ZNF133: variants seen among roughly 807,000 people sequenced by gnomAD.
ZNF133 encodes the protein zinc finger protein 133.
In ZNF133, 26 loss-of-function variants were observed where a neutral mutation model predicts 54.9. That is an observed-to-expected ratio of 0.47 (90% CI 0.35 to 0.66). The LOEUF (loss-of-function observed/expected upper bound fraction) is 0.66. Among genes scored for constraint, ZNF133 ranks in the 30% least tolerant of loss-of-function variants. The probability of loss-of-function intolerance (pLI) is 0.01; values close to 1 mark genes in which losing one functional copy is unlikely to be tolerated. For synonymous variants in ZNF133, 298 were observed against 320.3 expected, an observed-to-expected ratio of 0.93 and a Z score of 0.74; for missense variants, 653 against 820.8, an observed-to-expected ratio of 0.80 and a Z score of 2.50.
rs192475453 is a variant in ZNF133 at position 18,292,176 on chromosome 20, T to C, written c.-432+3572T>C. ...GGACGATCATAGCCTTTCAGTGATC[T>C]CTTTGTTTCTGCCTATGTCCCGCTA... On this transcript the variant is annotated intron_variant, in intron 1 of 6. Transcript: ENST00000425686. Among the ~76,000 whole-genome samples, 154 of 152,356 alleles carry C rather than the reference T, an allele frequency of 1.0e-3. 2 individuals are homozygous for C. Among genetic ancestry groups the C allele is most frequent in the Non-Finnish European group, 6.9e-4 (47 of 68,030 alleles).
In ZNF133 at chr20:18,315,925, C is replaced by A; in HGVS notation, c.1074C>A (p.Asp358Glu). Reference protein sequence around the residue: ...HLEEKTIVCSDCGLGFSDRSN... With the variant: ...HLEEKTIVCSECGLGFSDRSN... ...AGGAGAAGACCATCGTGTGCAGTGA[C>A]TGTGGCCTGGGCTTCAGCGACAGGT... Residue 358 changes from aspartate to glutamate, a missense_variant, in exon 7 of 7, where the codon GAC (aspartate) becomes GAA (glutamate). By Grantham distance (45) the Asp-to-Glu change is conservative (BLOSUM62 2). Around this residue, in one of 4 missense-constraint regions of ZNF133, gnomAD observed 292 missense variants for 431.6 expected, o/e 0.68. Transcript: ENST00000425686. The A allele has an allele frequency of 1.2e-6, 2 of 1,613,576 alleles. No homozygotes were observed. Among genetic ancestry groups the A allele is most frequent in the Non-Finnish European group, 1.7e-6 (2 of 1,179,872 alleles).
chr20:18,303,079 C>T (rs1239522904), intron 3 of ZNF133, among the ~76,000 whole-genome samples: 2 of 148,706 alleles, frequency 1.3e-5, no homozygotes, highest in African/African-American at 5.0e-5. Context: ...CAGAGTTTTG[C>T]TCTTTTGCCC....
At position 18,316,170 on chromosome 20, in the gene ZNF133, G is replaced by T; in HGVS notation, c.1319G>T (p.Cys440Phe). The T allele has an allele frequency of 6.2e-7, 1 of 1,611,016 alleles. No individual in the cohort carries two copies. The highest frequency in any genetic ancestry group is 2.2e-5 in the East Asian group (1 of 44,854). ...CACACTGGGGAGAAGCCGTATGTTT[G>T]TGGGGTGTGTGGGCGAGGCTTTAGT... The part of the protein sequence containing the change: ...RTHTGEKPYV[C>F]GVCGRGFSLK... The change falls in exon 7 of 7, where the codon TGT (cysteine) becomes TTT (phenylalanine). Residue 440 changes from cysteine (C) to phenylalanine (F), a missense_variant. Around this residue, in one of 4 missense-constraint regions of ZNF133, gnomAD observed 292 missense variants for 431.6 expected, o/e 0.68. Transcript: ENST00000425686.
chr20:18,315,127 G>A lies in ZNF133; in HGVS notation c.276G>A (p.Gln92=). 1.3e-6 allele frequency: 2 copies of A among 1,580,300 alleles called. No homozygotes were observed. The highest frequency in any genetic ancestry group is 1.7e-6 in the Non-Finnish European group (2 of 1,162,392). The part of the protein sequence containing the change: ...DPFCPPGFSS[Q]KFPMQHVLCN... ...TCTGCCCTCCGGGTTTCTCCAGTCA[G>A]AAATTCCCCATGCAGCATGTGCTGT... is the stretch of plus-strand genomic sequence containing the variant. Residue 92 remains glutamine (Q), a synonymous_variant, in exon 7 of 7, where the codon CAG becomes CAA. Coordinates refer to ENST00000425686, the MANE Select transcript of ZNF133 (RefSeq NM_001352452.2).
chr20:18,290,880 A>G (rs530044341), intron 1 of ZNF133, among the ~76,000 whole-genome samples: 1 of 152,294 alleles, frequency 6.6e-6, no homozygotes, highest in East Asian at 1.9e-4. Context: ...TGTAATCAGC[A>G]CTTTGGGGGG....
rs1288087677 is a variant in ZNF133, at chr20:18,315,625, C to T, written c.774C>T (p.Ala258=). ...GCTTCAGCCTAAAGAAGAGCCTCGC[C>T]AGACACCAGAAGGCACACTCGGGGG... ...EKGFSLKKSL[A]RHQKAHSGEK... is the part of the protein sequence containing the mutation. Residue 258 remains alanine, a synonymous_variant, in exon 7 of 7, where the codon GCC becomes GCT. Transcript: ENST00000425686. 3 of 1,613,990 alleles carry T rather than the reference C, an allele frequency of 1.9e-6. No homozygotes were observed. Among genetic ancestry groups the T allele is most frequent in the Non-Finnish European group, 2.5e-6 (3 of 1,179,952 alleles).
At chr20:18,307,939 C>T (rs2045016867) in intron 6 of ZNF133, among the ~76,000 whole-genome samples, 1 of 152,088 alleles carries the variant, frequency 6.6e-6, no homozygotes, top group East Asian at 1.9e-4. Flanking sequence ...AAGTGGATAA[C>T]TTATTAAGTG....
intron 6 of ZNF133, among the ~76,000 whole-genome samples, chr20:18,308,514 A>G (rs1568778238): frequency 1.3e-5 from 2 of 152,126 alleles, no homozygotes; most frequent in African/African-American, 4.8e-5. Context: ...GGTTCAGGAT[A>G]TTTTTATCTT....
intron 3 of ZNF133, among the ~76,000 whole-genome samples, chr20:18,303,245 C>T (rs1395225765): frequency 6.6e-6 from 1 of 152,004 alleles, no homozygotes; most frequent in Non-Finnish European, 1.5e-5. Context: ...CGGGGTTTCG[C>T]CATGTTGGCC....
chr20:18,306,148 T>C (rs2147466685), intron 5 of ZNF133, 150 bp from the exon 6 acceptor site: 1 of 687,846 alleles, frequency 1.5e-6, no homozygotes, highest in Non-Finnish European at 2.5e-6. Context: ...CACTGCCCAC[T>C]CATCCCTTCC....
At chr20:18,292,099 A>T (rs964116415) in intron 1 of ZNF133, among the ~76,000 whole-genome samples, 1 of 152,142 alleles carries the variant, frequency 6.6e-6, no homozygotes, top group Non-Finnish European at 1.5e-5. Flanking sequence ...CTGGACTCCG[A>T]CAGTTTCCAT....
chr20:18,311,704 T>C (rs1469765472), intron 6 of ZNF133, among the ~76,000 whole-genome samples: 2 of 152,220 alleles, frequency 1.3e-5, no homozygotes, highest in East Asian at 1.9e-4. Context: ...ATATTTATTC[T>C]TATAATGATT....
intron 1 of ZNF133, among the ~76,000 whole-genome samples, chr20:18,296,186 A>G (rs969541272): frequency 6.6e-6 from 1 of 152,012 alleles, no homozygotes; most frequent in Non-Finnish European, 1.5e-5. Flanking sequence ...TTTTAGTTCT[A>G]AGTTTACAAT....
In ZNF133 at chr20:18,316,126, C is replaced by T. The variant is rs115173830; in HGVS notation, c.1275C>T (p.Leu425=). Residue 425 remains leucine, a synonymous_variant, in exon 7 of 7, where the codon CTC becomes CTT. Transcript: ENST00000425686. ...ACAGCTTCAGCCAGAATTCAACCCT[C>T]ATCTCTCACAGGCGGACACACACTG... ...CGHSFSQNST[L]ISHRRTHTGE... is the part of the protein sequence containing the mutation. 4.6e-4 allele frequency: 739 copies of T among 1,612,374 alleles called. 5 individuals are homozygous for T. In the African/African-American group the frequency reaches 9.2e-3, roughly 20 times the overall value.
intron 1 of ZNF133, among the ~76,000 whole-genome samples, chr20:18,294,089 T>C (rs2041716918): frequency 6.6e-6 from 1 of 152,152 alleles, no homozygotes; most frequent in African/African-American, 2.4e-5. Context: ...TAAAGGGAAA[T>C]GTAGTGACTT....
intron 3 of ZNF133, among the ~76,000 whole-genome samples, chr20:18,300,737 C>T (rs1434853953): frequency 6.6e-6 from 1 of 151,968 alleles, no homozygotes; most frequent in African/African-American, 2.4e-5. Flanking sequence ...GACATTAATA[C>T]AAAAGGTTTA....
rs148666002 is a variant in ZNF133, at chr20:18,316,166, G to A, written c.1315G>A (p.Val439Ile). The A allele has an allele frequency of 9.9e-6, 16 of 1,611,208 alleles. No individual in the cohort carries two copies. Among genetic ancestry groups the A allele is most frequent in the Non-Finnish European group, 1.3e-5 (15 of 1,178,524 alleles). The change falls in exon 7 of 7, where the codon GTT becomes ATT. Residue 439 changes from valine to isoleucine, a missense_variant. Physicochemically the swap from Val to Ile is conservative, Grantham distance 29. Around this residue, in one of 4 missense-constraint regions of ZNF133, gnomAD observed 292 missense variants for 431.6 expected, o/e 0.68. Transcript: ENST00000425686. ...GACACACACTGGGGAGAAGCCGTAT[G>A]TTTGTGGGGTGTGTGGGCGAGGCTT... ...RRTHTGEKPY[V>I]CGVCGRGFSL...
chr20:18,293,914 A>C (rs1439805022), intron 1 of ZNF133, among the ~76,000 whole-genome samples: 1 of 152,274 alleles, frequency 6.6e-6, no homozygotes, highest in Non-Finnish European at 1.5e-5. Context: ...TAATGGATTT[A>C]GAATGAAAGG....
chr20:18,306,785 A>G lies in ZNF133; in HGVS notation c.217+392A>G, dbSNP rs761524194. The stretch of plus-strand genomic sequence containing the variant: ...GGAGGAAGAAATCTAAAAAGCCAAT[A>G]GAGAAATTGAAATGGAATTCTAAAA... On this transcript the variant is annotated intron_variant, in intron 6 of 6. Transcript: ENST00000425686. 5.5e-6 allele frequency: 7 copies of G among 1,270,808 alleles called. No individual in the cohort carries two copies. In the South Asian group the frequency reaches 1.0e-4, roughly 18 times the overall value. The allele number at this position is 1,270,808 out of a possible 1,614,324, so 78.7% of individuals were successfully genotyped here.
Sources: allele counts gnomAD v4.1 joint callset (sites outside exome capture counted in the v4.1 genomes callset), GRCh38; gene constraint gnomAD v4.1.1; regional missense constraint gnomAD v4.1.1; transcripts MANE v1.5; gene names NCBI Gene and HGNC (gene_info 2026-07-23, HGNC 2026-07-21).